Variants in CLSPN observed in about 807,000 individuals in gnomAD.
CLSPN encodes claspin homolog.
A neutral mutation model predicts 156.3 loss-of-function variants in CLSPN; 85 were observed. That is an observed-to-expected ratio of 0.54 (90% CI 0.46 to 0.65). The LOEUF (loss-of-function observed/expected upper bound fraction) is 0.65. Among genes scored for constraint, CLSPN ranks in the 30% least tolerant of loss-of-function variants. The pLI, the probability that CLSPN is intolerant of heterozygous loss-of-function variation, is 0.00. For missense variants in CLSPN, 1,407 were observed against 1,554.9 expected (o/e 0.90, Z 1.60); for synonymous variants, 534 against 542.4 (o/e 0.98, Z 0.22).
Position 35,764,129 on chromosome 1 carries a change from A to G in CLSPN, c.582+137T>C, listed in dbSNP as rs1045920608. 6.3e-6 allele frequency: 4 copies of G among 631,416 alleles called. No homozygotes were observed. In the African/African-American group the frequency reaches 7.4e-5, roughly 12 times the overall value. 39.1% of individuals were successfully genotyped at this position (631,416 alleles called of 1,614,324 possible). A position where few individuals can be genotyped will look rare whatever the true frequency, so the allele number is the denominator to read the frequency against. ...CCAGTTAGTTTTAAATCACATACCT[A>G]TTGAGAATAATTCTCAACACAAAAT... On this transcript the variant is annotated intron_variant, in intron 3 of 24. Transcript: ENST00000318121.
At chr1:35,725,776 G>A (rs2148606492) in intron 24 of CLSPN, among the ~76,000 whole-genome samples, 1 of 152,302 alleles carries the variant, frequency 6.6e-6, no homozygotes, top group Non-Finnish European at 1.5e-5. Context: ...CTCAATGGAG[G>A]AGCTGGAGTT....
chr1:35,746,755 T>G lies in CLSPN; in HGVS notation c.2854+11A>C, dbSNP rs569918710. The G allele has an allele frequency of 9.2e-5, 144 of 1,565,138 alleles. 1 individual carries two copies. The South Asian group carries it at 1.5e-3, about 17-fold the overall frequency. On this transcript the variant is annotated intron_variant, in intron 15 of 24. Transcript: ENST00000318121. This position sits in a 1 kb window ranked among gnomAD's most constrained non-coding sequence, Gnocchi z 4.2. ...GTGTGGTAAGCTTGATACTCTCGGT[T>G]GGATATTTACCCTGAGAAGTGAATT...
chr1:35,755,394 G>A (rs1358019501), intron 8 of CLSPN, among the ~76,000 whole-genome samples: 1 of 151,630 alleles, frequency 6.6e-6, no homozygotes, highest in Non-Finnish European at 1.5e-5. Flanking sequence ...AGCCTCCCTA[G>A]AAGCTGGGAT....
chr1:35,749,159 C>A (rs1383700034), intron 12 of CLSPN, among the ~76,000 whole-genome samples: 1 of 152,068 alleles, frequency 6.6e-6, no homozygotes, highest in East Asian at 1.9e-4. Flanking sequence ...CTTCCTAATG[C>A]CTATGATCAC....
chr1:35,735,166 C>T lies in CLSPN; in HGVS notation c.*1330G>A. 1.0e-6 allele frequency: 1 copy of T among 985,382 alleles called. No homozygotes were observed. The highest frequency in any genetic ancestry group is 1.2e-6 in the Non-Finnish European group (1 of 829,924). The allele number at this position is 985,382 out of a possible 1,614,324, so 61.0% of individuals were successfully genotyped here. A position where few individuals can be genotyped will look rare whatever the true frequency, so the allele number is the denominator to read the frequency against. On this transcript the variant is annotated 3_prime_UTR_variant, in exon 25 of 25. Transcript: ENST00000318121. ...GTGCTTCAAATTGAGAATTCAGTCC[C>T]AGGAAGGGTCTCTCTGCCCCACAGA...
intron 8 of CLSPN, among the ~76,000 whole-genome samples, chr1:35,756,001 T>C (rs1188234902): frequency 6.6e-6 from 1 of 152,186 alleles, no homozygotes; most frequent in African/African-American, 2.4e-5. Flanking sequence ...ACTTGACTAA[T>C]TTTCTAAAAT....
At position 35,733,656 on chromosome 1, in the gene CLSPN, A is replaced by G; in HGVS notation, c.*2840T>C. 1 of 985,446 alleles carries G rather than the reference A, an allele frequency of 1.0e-6. No individual in the cohort carries two copies. The highest frequency in any genetic ancestry group is 1.7e-5 in the African/African-American group (1 of 57,372). The allele number at this position is 985,446 out of a possible 1,614,324, so 61.0% of individuals were successfully genotyped here. On this transcript the variant is annotated 3_prime_UTR_variant, in exon 25 of 25. Transcript: ENST00000318121. Reference sequence around the variant, plus strand: ...AACCCATGGATAAAATGAAGTACATACAAACTTAGCTAAAGAGAAAGGCCA... The same window carrying G: ...AACCCATGGATAAAATGAAGTACATGCAAACTTAGCTAAAGAGAAAGGCCA...
intron 21 of CLSPN, 147 bp downstream of exon 21, chr1:35,738,308 A>C (rs1641553908): frequency 1.1e-6 from 1 of 870,696 alleles, no homozygotes; most frequent in Non-Finnish European, 1.7e-6. Flanking sequence ...GCCTTCTCAA[A>C]ACACAAAAGA....
At chr1:35,728,423 G>A (rs983965993), downstream of CLSPN, among the ~76,000 whole-genome samples, 11 of 152,138 alleles carry the variant, frequency 7.2e-5, no homozygotes, top group Admixed American at 2.0e-4. Context: ...TAGCTACAGA[G>A]CAAGCCACCA....
Position 35,751,466 on chromosome 1 carries a change from T to C in CLSPN, c.1812A>G (p.Ala604=). The change falls in exon 10 of 25, where the codon GCA becomes GCG. Residue 604 remains alanine, a synonymous_variant. Coordinates refer to ENST00000318121, the MANE Select transcript of CLSPN (RefSeq NM_022111.4). ...GCTCCTCAAACCTTCGGAGTTTCATTGCTTCTTGCAGTTTAGCTTTTAACA... is the reference window on the plus strand; with the variant it reads ...GCTCCTCAAACCTTCGGAGTTTCATCGCTTCTTGCAGTTTAGCTTTTAACA... ...LQVLKAKLQE[A]MKLRRFEERQ... is the part of the protein sequence containing the mutation. 3.1e-6 allele frequency: 5 copies of C among 1,614,138 alleles called. No individual in the cohort carries two copies. Among genetic ancestry groups the C allele is most frequent in the South Asian group, 1.1e-5 (1 of 91,066 alleles).
chr1:35,760,216 C>T, intron 8 of CLSPN, 126 bp downstream of exon 8: 1 of 699,752 alleles, frequency 1.4e-6, no homozygotes, highest in South Asian at 2.1e-5. Flanking sequence ...ATATCTGGAA[C>T]AACTGCAGGA....
Position 35,732,135 on chromosome 1 carries a change from C to T in CLSPN, c.*4361G>A. 1 of 983,670 alleles carries T rather than the reference C, an allele frequency of 1.0e-6. No individual in the cohort carries two copies. Among genetic ancestry groups the T allele is most frequent in the African/African-American group, 1.7e-5 (1 of 57,298 alleles). The allele number at this position is 983,670 out of a possible 1,614,324, so 60.9% of individuals were successfully genotyped here. On this transcript the variant is annotated 3_prime_UTR_variant, in exon 25 of 25. Coordinates refer to ENST00000318121, the MANE Select transcript of CLSPN (RefSeq NM_022111.4). ...TCTGAAAGGTGTAGTGTTATTTATT[C>T]AAACTGTGGTAGGCACCACTACATT...
intron 16 of CLSPN, among the ~76,000 whole-genome samples, chr1:35,745,067 CCT>C (rs1457826337): frequency 6.6e-6 from 1 of 152,108 alleles, no homozygotes; most frequent in East Asian, 1.9e-4. Context: ...CCGTGCCTGG[CCT>C]CTATTTTTAA....
intron 1 of CLSPN, among the ~76,000 whole-genome samples, chr1:35,766,138 G>A (rs1359661255): frequency 6.6e-6 from 1 of 151,220 alleles, no homozygotes; most frequent in African/African-American, 2.4e-5. Flanking sequence ...GGGATTACAG[G>A]CGCACATCAA....
At chr1:35,750,293 C>T (rs1000258982) in intron 10 of CLSPN, among the ~76,000 whole-genome samples, 4 of 151,310 alleles carry the variant, frequency 2.6e-5, no homozygotes, top group East Asian at 1.9e-4. Flanking sequence ...GCCAGGAGTT[C>T]GAGACCAGTC....
chr1:35,763,381 C>G, intron 3 of CLSPN, 60 bp from the exon 4 acceptor site: 1 of 1,279,368 alleles, frequency 7.8e-7, no homozygotes, highest in East Asian at 2.6e-5. Context: ...TATTTCACAA[C>G]ATCATATGGC....
At position 35,734,235 on chromosome 1, in the gene CLSPN, A is replaced by G; in HGVS notation, c.*2261T>C. ...GCACTGACCCAAGAATGAGCATTCA[A>G]GCTGGACAGCAAATCTTCCCTTCAA... On this transcript the variant is annotated 3_prime_UTR_variant, in exon 25 of 25. Coordinates refer to ENST00000318121, the MANE Select transcript of CLSPN (RefSeq NM_022111.4). The G allele has an allele frequency of 1.0e-6, 1 of 985,470 alleles. No individual in the cohort carries two copies. The highest frequency in any genetic ancestry group is 1.2e-6 in the Non-Finnish European group (1 of 829,934). 61.0% of individuals were successfully genotyped at this position (985,470 alleles called of 1,614,324 possible). A position where few individuals can be genotyped will look rare whatever the true frequency, so the allele number is the denominator to read the frequency against.
chr1:35,735,735 C>T lies in CLSPN; in HGVS notation c.*761G>A, dbSNP rs527816471. The T allele has an allele frequency of 1.2e-5, 12 of 984,722 alleles. No individual in the cohort carries two copies. The African/African-American group carries it at 1.6e-4, about 13-fold the overall frequency. The allele number at this position is 984,722 out of a possible 1,614,324, so 61.0% of individuals were successfully genotyped here. A position where few individuals can be genotyped will look rare whatever the true frequency, so the allele number is the denominator to read the frequency against. ...AAAAAAAAAGAAATCTTTCTTTCAC[C>T]GAGCCCTGGTCATCATGGTACGTAT... On this transcript the variant is annotated 3_prime_UTR_variant, in exon 25 of 25. Coordinates refer to ENST00000318121, the MANE Select transcript of CLSPN (RefSeq NM_022111.4).
chr1:35,748,859 T>C, intron 12 of CLSPN: 1 of 419,112 alleles, frequency 2.4e-6, no homozygotes, highest in Non-Finnish European at 4.4e-6. Flanking sequence ...ACAGTCTCGC[T>C]CTGTCACCCC....
Sources: allele counts gnomAD v4.1 joint callset (sites outside exome capture counted in the v4.1 genomes callset), GRCh38; gene constraint gnomAD v4.1.1; non-coding constraint Gnocchi (gnomAD v3.1); transcripts MANE v1.5; gene names NCBI Gene and HGNC (gene_info 2026-07-23, HGNC 2026-07-21).